Variants in PHACTR3 observed in about 807,000 individuals in gnomAD.
PHACTR3 encodes the protein protein phosphatase 1, regulatory subunit 123.
Under a neutral mutation model 66.8 loss-of-function variants are expected in PHACTR3, and 16 were observed. That is an observed-to-expected ratio of 0.24 (90% confidence interval 0.16 to 0.36). The LOEUF is 0.36. PHACTR3 is among the 10% of genes least tolerant of loss of function. PHACTR3 has a pLI of 1.00. For synonymous variants in PHACTR3, 323 were observed against 292.1 expected (o/e 1.11, Z -1.08); for missense variants, 647 against 719.9 (o/e 0.90, Z 1.16).
In PHACTR3 at chr20:59,712,526, G is replaced by A. The variant is rs146865840; in HGVS notation, c.119-30581G>A. On this transcript the variant is annotated intron_variant, in intron 1 of 12. Coordinates refer to ENST00000371015, the MANE Select transcript of PHACTR3 (RefSeq NM_080672.5). ...TTTGCACACTCTCGAGAGTTCCAGT[G>A]ACTGTTGCAAATGCCTTTAACTCTT... Among the ~76,000 whole-genome samples, 489 of 152,278 alleles carry A rather than the reference G, an allele frequency of 3.2e-3. 2 individuals carry two copies. Among genetic ancestry groups the A allele is most frequent in the African/African-American group, 0.011 (458 of 41,542 alleles).
intron 9 of PHACTR3, among the ~76,000 whole-genome samples, chr20:59,837,353 C>T (rs1420047631): frequency 1.3e-5 from 2 of 152,036 alleles, no homozygotes; most frequent in Non-Finnish European, 2.9e-5. Context: ...TATTTGTGAA[C>T]ATCTTTTTAT....
chr20:59,715,193 G>T (rs1001774550), intron 1 of PHACTR3, among the ~76,000 whole-genome samples: 1 of 151,782 alleles, frequency 6.6e-6, no homozygotes. Flanking sequence ...AGACCTTCTT[G>T]TCTCATTCCC....
intron 1 of PHACTR3, among the ~76,000 whole-genome samples, chr20:59,700,962 A>T (rs80107971): frequency 9.9e-6 from 1 of 101,202 alleles, no homozygotes; most frequent in Non-Finnish European, 1.9e-5. Context: ...GCTAATTTTT[A>T]AAAAAATTTT....
chr20:59,757,314 G>A (rs977949506), intron 4 of PHACTR3, among the ~76,000 whole-genome samples: 6 of 152,212 alleles, frequency 3.9e-5, no homozygotes, highest in Non-Finnish European at 8.8e-5. Flanking sequence ...ACACGCTCCC[G>A]CTCTCTCTCC....
In PHACTR3 at chr20:59,736,757, C is replaced by A. The variant is rs1298299274; in HGVS notation, c.119-6350C>A. ...GGGTTTGTAAGTAGTTTTCTCTGAG[C>A]AGCACTATTTTGAAGTTTCTCTTCT... On this transcript the variant is annotated intron_variant, in intron 1 of 12. Coordinates refer to ENST00000371015, the MANE Select transcript of PHACTR3 (RefSeq NM_080672.5). This position sits in a 1 kb window ranked among gnomAD's most constrained non-coding sequence, Gnocchi z 4.6. Among the ~76,000 whole-genome samples the A allele has an allele frequency of 2.6e-5, 4 of 152,296 alleles. No individual in the cohort carries two copies. The highest frequency in any genetic ancestry group is 4.2e-4 in the South Asian group (2 of 4,816).
upstream of PHACTR3, among the ~76,000 whole-genome samples, chr20:59,602,857 A>G (rs948077922): frequency 2.2e-4 from 34 of 152,174 alleles, no homozygotes; most frequent in African/African-American, 8.2e-4. Flanking sequence ...TTGGAGTGGG[A>G]GGTGTTGAAG....
At chr20:59,832,603 C>T (rs1042167321) in intron 8 of PHACTR3, among the ~76,000 whole-genome samples, 4 of 152,174 alleles carry the variant, frequency 2.6e-5, no homozygotes, top group African/African-American at 7.2e-5. Context: ...AAATCTAGTC[C>T]TGGCACGCCC....
chr20:59,606,324 T>A (rs551444701), intron 1 of PHACTR3, among the ~76,000 whole-genome samples: 1 of 151,780 alleles, frequency 6.6e-6, no homozygotes, highest in African/African-American at 2.4e-5. Flanking sequence ...TTTGAAAATT[T>A]AAACAATAAA....
intron 8 of PHACTR3, among the ~76,000 whole-genome samples, chr20:59,813,769 G>A (rs2041807628): frequency 6.6e-6 from 1 of 151,976 alleles, no homozygotes; most frequent in Admixed American, 6.5e-5. Context: ...AGACTGGAGG[G>A]GCCATGGGTC....
chr20:59,592,363 C>T (rs141981257), intron 1 of PHACTR3, among the ~76,000 whole-genome samples: 2 of 152,246 alleles, frequency 1.3e-5, no homozygotes, highest in East Asian at 1.9e-4. Flanking sequence ...CATAGACCCC[C>T]GTCCCAACAT....
intron 8 of PHACTR3, among the ~76,000 whole-genome samples, chr20:59,826,961 T>C (rs2042210263): frequency 6.6e-6 from 1 of 152,132 alleles, no homozygotes; most frequent in South Asian, 2.1e-4. Flanking sequence ...CCGGAGGATT[T>C]GAATCCTTCC....
chr20:59,762,207 T>C (rs893924099), intron 4 of PHACTR3, among the ~76,000 whole-genome samples: 1 of 152,138 alleles, frequency 6.6e-6, no homozygotes, highest in Admixed American at 6.5e-5. Context: ...GAGGAGGGTT[T>C]TGGTCAGCGT....
At chr20:59,664,194 A>G (rs1045463217) in intron 1 of PHACTR3, among the ~76,000 whole-genome samples, 9 of 152,230 alleles carry the variant, frequency 5.9e-5, no homozygotes, top group African/African-American at 2.2e-4. Flanking sequence ...CACAGGAAGG[A>G]GATAAGGCTG....
At chr20:59,583,826 T>TG (rs1478648224) in intron 1 of PHACTR3, among the ~76,000 whole-genome samples, 3 of 152,212 alleles carry the variant, frequency 2.0e-5, no homozygotes, top group Non-Finnish European at 2.9e-5. Flanking sequence ...TGGAAGCTGG[T>TG]GACCTTGTGG....
chr20:59,586,987 G>A (rs1249723403), intron 1 of PHACTR3, among the ~76,000 whole-genome samples: 1 of 152,378 alleles, frequency 6.6e-6, no homozygotes, highest in East Asian at 1.9e-4. Context: ...TCTGGAAAGT[G>A]TCTGACAGCA....
Position 59,846,806 on chromosome 20 carries a change from C to T in PHACTR3, c.1665-309C>T, listed in dbSNP as rs933746033. 2.6e-5 allele frequency among the ~76,000 whole-genome samples: 4 copies of T among 152,246 alleles called. No individual in the cohort carries two copies. In the East Asian group the frequency reaches 7.7e-4, roughly 29 times the overall value. ...ACTATAATTTTCAATAATTTATTAA[C>T]AAATTCATCATTTCTACTGATTTAG... On this transcript the variant is annotated intron_variant, in intron 12 of 12. Coordinates refer to ENST00000371015, the MANE Select transcript of PHACTR3 (RefSeq NM_080672.5).
chr20:59,795,016 AT>A (rs1044606183), intron 7 of PHACTR3, among the ~76,000 whole-genome samples: 4 of 148,620 alleles, frequency 2.7e-5, no homozygotes, highest in African/African-American at 5.0e-5. Context: ...TCTAACCTTT[AT>A]TTTTTTTTCC....
intron 1 of PHACTR3, among the ~76,000 whole-genome samples, chr20:59,588,427 C>A (rs1173715964): frequency 6.6e-6 from 1 of 152,204 alleles, no homozygotes; most frequent in African/African-American, 2.4e-5. Context: ...CTGGGGCCAT[C>A]TCTGCTGTCG....
At chr20:59,723,826 G>GTCC (rs1210033331) in intron 1 of PHACTR3, among the ~76,000 whole-genome samples, 2 of 152,000 alleles carry the variant, frequency 1.3e-5, no homozygotes, top group Non-Finnish European at 2.9e-5. Flanking sequence ...TGGTGACTCG[G>GTCC]TCCTCAAGGT....
Sources: gnomAD v4.1 joint callset for allele counts (sites outside exome capture counted in the v4.1 genomes callset) on GRCh38, gnomAD v4.1.1 for gene constraint, Gnocchi (gnomAD v3.1) non-coding constraint, MANE v1.5 for transcripts, NCBI Gene and HGNC (gene_info 2026-07-23, HGNC 2026-07-21) for gene names.